The following LRRC37A2 variants were observed in gnomAD, a reference collection of about 807,000 sequenced individuals.
The protein encoded by LRRC37A2 is leucine-rich repeat-containing protein 37A2.
Under a neutral mutation model 68.8 loss-of-function variants are expected in LRRC37A2, and 9 were observed. That is an observed-to-expected ratio of 0.13 (90% confidence interval 0.08 to 0.23). The LOEUF is 0.23. Among genes scored for constraint, LRRC37A2 ranks in the 10% least tolerant of loss-of-function variants. The probability of loss-of-function intolerance (pLI) is 1.00; values close to 1 mark genes in which losing one functional copy is unlikely to be tolerated. For synonymous variants in LRRC37A2, 63 were observed against 367.6 expected, an observed-to-expected ratio of 0.17 and a Z score of 9.48; for missense variants, 168 against 950.4, an observed-to-expected ratio of 0.18 and a Z score of 10.82.
At chr17:46,806,586 C>G in the LRRC37A2 span, among the ~76,000 whole-genome samples, 1 of 152,212 alleles carries the variant, frequency 6.6e-6, no homozygotes, top group South Asian at 2.1e-4. Flanking sequence ...CAGGACAGTG[C>G]AGAGGTCACA....
chr17:46,795,234 G>A, the LRRC37A2 span, among the ~76,000 whole-genome samples: 62 of 152,164 alleles, frequency 4.1e-4, no homozygotes, highest in Middle Eastern at 6.8e-3. Flanking sequence ...ATGTGCATCC[G>A]AAACCTCCTA....
chr17:46,868,595 AAAAAC>A, the LRRC37A2 span, among the ~76,000 whole-genome samples: 4,256 of 152,080 alleles, frequency 0.028, 205 homozygotes, highest in African/African-American at 0.097. Context: ...GACTCGATTA[AAAAAC>A]AAAACAAAAC....
At chr17:46,949,775 C>T in the LRRC37A2 span, among the ~76,000 whole-genome samples, 9 of 152,072 alleles carry the variant, frequency 5.9e-5, no homozygotes, top group Non-Finnish European at 1.3e-4. Flanking sequence ...GGAGCCTGGG[C>T]GGACGGTCTC....
the LRRC37A2 span, among the ~76,000 whole-genome samples, chr17:46,739,432 G>A: frequency 1.1e-4 from 16 of 143,684 alleles, no homozygotes; most frequent in African/African-American, 4.2e-4. Context: ...CCAGCTACTC[G>A]GGAGGCTGAA....
chr17:46,937,614 C>A, the LRRC37A2 span: 2 of 152,170 alleles, frequency 1.3e-5, no homozygotes, highest in African/African-American at 4.8e-5. Context: ...CCCCAGGCAG[C>A]CACTGTTGTG....
chr17:46,714,923 A>G, the LRRC37A2 span, among the ~76,000 whole-genome samples: 1 of 152,206 alleles, frequency 6.6e-6, no homozygotes, highest in Non-Finnish European at 1.5e-5. Flanking sequence ...TTTCTTTTAC[A>G]TTGCTCTTAG....
chr17:46,730,923 G>A, the LRRC37A2 span, among the ~76,000 whole-genome samples: 3 of 152,102 alleles, frequency 2.0e-5, no homozygotes, highest in African/African-American at 4.8e-5. Context: ...ACAAGCGCTG[G>A]TGCAGATGTG....
chr17:46,884,168 A>G, the LRRC37A2 span, among the ~76,000 whole-genome samples: 2 of 152,048 alleles, frequency 1.3e-5, no homozygotes, highest in Non-Finnish European at 2.9e-5. Flanking sequence ...CTCTTCCCAC[A>G]CAGCCCCACC....
At chr17:46,838,381 T>C in the LRRC37A2 span, among the ~76,000 whole-genome samples, 824 of 151,322 alleles carry the variant, frequency 5.4e-3, 13 homozygotes, top group African/African-American at 0.018. Flanking sequence ...AATCCCAACT[T>C]TTTGGAAGGC....
the LRRC37A2 span, among the ~76,000 whole-genome samples, chr17:46,722,467 C>A: frequency 8.5e-5 from 13 of 152,288 alleles, no homozygotes; most frequent in Non-Finnish European, 1.9e-4. Flanking sequence ...ATCTTTCTTT[C>A]CAGTACCTCT....
the LRRC37A2 span, among the ~76,000 whole-genome samples, chr17:46,900,162 C>CATATATATATAT: frequency 2.0e-5 from 2 of 101,144 alleles, no homozygotes; most frequent in African/African-American, 9.7e-5. Context: ...TATATATATA[C>CATATATATATAT]ATATACATAT....
the LRRC37A2 span, among the ~76,000 whole-genome samples, chr17:46,884,328 G>A: frequency 1.3e-5 from 2 of 152,258 alleles, no homozygotes; most frequent in South Asian, 4.1e-4. Context: ...GCCCAGAGGC[G>A]GGAGATGTCA....
At chr17:46,931,379 C>T in the LRRC37A2 span, 1 of 631,660 alleles carries the variant, frequency 1.6e-6, no homozygotes, top group Non-Finnish European at 2.9e-6. Context: ...TGATGCCGCT[C>T]AAAATAAATA....
intron 6 of LRRC37A2, among the ~76,000 whole-genome samples, chr17:46,539,593 A>T: frequency 6.9e-6 from 1 of 144,660 alleles, no homozygotes; most frequent in African/African-American, 2.7e-5. Flanking sequence ...TAAAACCCCG[A>T]CTCTACTAAA....
the LRRC37A2 span, chr17:46,755,940 C>A: frequency 1.2e-5 from 11 of 940,302 alleles, no homozygotes; most frequent in African/African-American, 1.3e-4. Context: ...CTACCTTCAA[C>A]ATGTGCTCGC....
chr17:46,916,049 T>C, the LRRC37A2 span, among the ~76,000 whole-genome samples: 2 of 152,246 alleles, frequency 1.3e-5, no homozygotes, highest in Admixed American at 1.3e-4. Flanking sequence ...ATAATGAGAG[T>C]GGATGCATCC....
the LRRC37A2 span, among the ~76,000 whole-genome samples, chr17:46,996,210 C>T: frequency 6.6e-6 from 1 of 152,212 alleles, no homozygotes; most frequent in African/African-American, 2.4e-5. Flanking sequence ...TCCTGACATA[C>T]AGGAACAACG....
At chr17:46,456,072 T>C in the LRRC37A2 span, among the ~76,000 whole-genome samples, 1 of 91,806 alleles carries the variant, frequency 1.1e-5, no homozygotes, top group African/African-American at 4.1e-5. Flanking sequence ...TACCTCCCTC[T>C]TGTAAGTGAA....
At chr17:46,724,443 C>G in the LRRC37A2 span, among the ~76,000 whole-genome samples, 7 of 152,232 alleles carry the variant, frequency 4.6e-5, no homozygotes, top group African/African-American at 1.7e-4. Context: ...CCATGATAGC[C>G]AAGGCAGGGA....
Sources: gnomAD v4.1 joint callset for allele counts (sites outside exome capture counted in the v4.1 genomes callset) on GRCh38, gnomAD v4.1.1 for gene constraint, MANE v1.5 for transcripts, NCBI Gene and HGNC (gene_info 2026-07-23, HGNC 2026-07-21) for gene names.